Variants in CNTNAP2 observed in about 807,000 individuals in gnomAD.
The protein encoded by CNTNAP2 is contactin associated protein 2.
In CNTNAP2, 98 loss-of-function variants were observed where a neutral mutation model predicts 155.2. The observed-to-expected ratio is 0.63, with a 90% confidence interval of 0.54 to 0.75. CNTNAP2 has a LOEUF of 0.75. Among genes scored for constraint, CNTNAP2 ranks in the 30% least tolerant of loss-of-function variants. The pLI is 0.00. For synonymous variants in CNTNAP2, 651 were observed against 631.2 expected (o/e 1.03, Z -0.47); for missense variants, 1,727 against 1,688.1 (o/e 1.02, Z -0.40).
At chr7:146,521,890 G>A (rs993516175) in intron 1 of CNTNAP2, among the ~76,000 whole-genome samples, 4 of 151,826 alleles carry the variant, frequency 2.6e-5, no homozygotes, top group Admixed American at 6.6e-5. Context: ...CTTTAATTCC[G>A]CCTAGTGTTT....
At chr7:146,371,588 A>G (rs1476408402) in intron 1 of CNTNAP2, among the ~76,000 whole-genome samples, 1 of 151,712 alleles carries the variant, frequency 6.6e-6, no homozygotes, top group Non-Finnish European at 1.5e-5. Context: ...CATGGTCTCG[A>G]TCTCCTGACC....
At chr7:146,248,576 A>G (rs929534603) in intron 1 of CNTNAP2, among the ~76,000 whole-genome samples, 8 of 152,134 alleles carry the variant, frequency 5.3e-5, no homozygotes, top group African/African-American at 1.2e-4. Context: ...AAAAGAAGGG[A>G]GAGATTGACG....
chr7:147,246,792 C>T (rs1804079758), intron 8 of CNTNAP2, among the ~76,000 whole-genome samples: 1 of 152,184 alleles, frequency 6.6e-6, no homozygotes, highest in Non-Finnish European at 1.5e-5. Context: ...GTCTGACCAC[C>T]ATGGCCTAAC....
chr7:147,237,001 T>G (rs1001034370), intron 8 of CNTNAP2, among the ~76,000 whole-genome samples: 4 of 150,862 alleles, frequency 2.7e-5, no homozygotes, highest in African/African-American at 9.7e-5. Flanking sequence ...TTTTCTTGTC[T>G]GCGTATCTAG....
chr7:146,774,743 A>T (rs910512534), intron 2 of CNTNAP2, among the ~76,000 whole-genome samples: 1 of 152,178 alleles, frequency 6.6e-6, no homozygotes, highest in Non-Finnish European at 1.5e-5. Context: ...ACGGTGTATT[A>T]AAAAAAGCAC....
chr7:148,161,015 C>A (rs1240714432), intron 17 of CNTNAP2, among the ~76,000 whole-genome samples: 1 of 152,174 alleles, frequency 6.6e-6, no homozygotes, highest in Non-Finnish European at 1.5e-5. Context: ...GACCCAATAT[C>A]CCAACCCACG....
chr7:148,123,731 GGAA>G (rs1563206923), intron 16 of CNTNAP2, among the ~76,000 whole-genome samples: 3 of 146,628 alleles, frequency 2.0e-5, no homozygotes. Context: ...AAAAGAAAAA[GGAA>G]GAAAGAAAGA....
At chr7:146,730,083 G>A (rs138918285) in intron 1 of CNTNAP2, among the ~76,000 whole-genome samples, 1 of 152,046 alleles carries the variant, frequency 6.6e-6, no homozygotes, top group African/African-American at 2.4e-5. Flanking sequence ...TTGAGTTGAG[G>A]TTTCCTTTAT....
At chr7:147,003,623 G>C (rs1798469237) in intron 3 of CNTNAP2, among the ~76,000 whole-genome samples, 1 of 151,866 alleles carries the variant, frequency 6.6e-6, no homozygotes, top group Non-Finnish European at 1.5e-5. Context: ...ATATTATTTA[G>C]AGATATATAT....
At chr7:146,455,543 G>C (rs1407663939) in intron 1 of CNTNAP2, among the ~76,000 whole-genome samples, 1 of 152,134 alleles carries the variant, frequency 6.6e-6, no homozygotes, top group Non-Finnish European at 1.5e-5. Context: ...GGACACAGGA[G>C]GCATCCCTGT....
At chr7:146,770,552 C>A (rs892000373) in intron 1 of CNTNAP2, among the ~76,000 whole-genome samples, 3 of 151,516 alleles carry the variant, frequency 2.0e-5, no homozygotes, top group African/African-American at 7.3e-5. Flanking sequence ...TTTGCAGTCA[C>A]CTTTAAAAAA....
intron 1 of CNTNAP2, among the ~76,000 whole-genome samples, chr7:146,609,254 C>A (rs375446577): frequency 6.1e-4 from 93 of 152,292 alleles, no homozygotes; most frequent in Admixed American, 8.5e-4. Context: ...GTTTTGTCTT[C>A]TTCTGTAGTG....
chr7:146,208,082 T>A (rs914284991), intron 1 of CNTNAP2, among the ~76,000 whole-genome samples: 2 of 152,076 alleles, frequency 1.3e-5, no homozygotes, highest in Non-Finnish European at 2.9e-5. Flanking sequence ...ATTTTTTTAG[T>A]TCCTAAAGTA....
At chr7:147,598,564 A>G (rs946929188) in intron 12 of CNTNAP2, among the ~76,000 whole-genome samples, 11 of 152,212 alleles carry the variant, frequency 7.2e-5, no homozygotes, top group African/African-American at 2.6e-4. Context: ...CAGCCTTTCT[A>G]TTCAGCATCC....
At chr7:147,985,652 T>G (rs956990508) in intron 15 of CNTNAP2, among the ~76,000 whole-genome samples, 15 of 152,176 alleles carry the variant, frequency 9.9e-5, no homozygotes, top group African/African-American at 3.6e-4. Flanking sequence ...TTCCACTTAC[T>G]GCATCTATTT....
At chr7:147,452,990 A>T (rs1337979367) in intron 10 of CNTNAP2, among the ~76,000 whole-genome samples, 1 of 151,982 alleles carries the variant, frequency 6.6e-6, no homozygotes, top group Non-Finnish European at 1.5e-5. Context: ...GAAGAAGTAG[A>T]AACAGAAAGG....
chr7:147,628,350 T>C (rs1795024492), intron 12 of CNTNAP2, among the ~76,000 whole-genome samples: 1 of 152,118 alleles, frequency 6.6e-6, no homozygotes, highest in Non-Finnish European at 1.5e-5. Context: ...ACAAAATAAT[T>C]GTCAGCCCAG....
chr7:147,940,869 C>G (rs1800708576), intron 14 of CNTNAP2, among the ~76,000 whole-genome samples: 2 of 152,186 alleles, frequency 1.3e-5, no homozygotes, highest in Non-Finnish European at 2.9e-5. Flanking sequence ...CCCCATCAAA[C>G]AAATCACCAT....
At chr7:147,983,017 C>CAAAAAA (rs35946958) in intron 15 of CNTNAP2, among the ~76,000 whole-genome samples, 1 of 80,870 alleles carries the variant, frequency 1.2e-5, no homozygotes, top group Non-Finnish European at 2.4e-5. Context: ...GACTCCACCT[C>CAAAAAA]AAAAAAAAAA....
Sources: gnomAD v4.1 joint callset for allele counts (sites outside exome capture counted in the v4.1 genomes callset) on GRCh38, gnomAD v4.1.1 for gene constraint, MANE v1.5 for transcripts, NCBI Gene and HGNC (gene_info 2026-07-23, HGNC 2026-07-21) for gene names.